Variants in TMEM232 observed in about 807,000 individuals in gnomAD.
TMEM232 encodes transmembrane protein 232.
In TMEM232, 80 loss-of-function variants were observed where a neutral mutation model predicts 78.8. That is an observed-to-expected ratio of 1.01 (90% CI 0.85 to 1.22). The LOEUF (loss-of-function observed/expected upper bound fraction) is 1.22, where lower values mean the gene tolerates loss of function less well. Among genes scored for constraint, TMEM232 ranks in the 50% most tolerant of loss-of-function variants. The probability of loss-of-function intolerance (pLI) is 0.00; values close to 1 mark genes in which losing one functional copy is unlikely to be tolerated. For missense variants in TMEM232, 881 were observed against 742.2 expected (o/e 1.19, Z -2.17); for synonymous variants, 297 against 254.3 (o/e 1.17, Z -1.60).
At chr5:110,570,416 T>A (rs1344077854) in intron 10 of TMEM232, among the ~76,000 whole-genome samples, 2 of 151,966 alleles carry the variant, frequency 1.3e-5, no homozygotes, top group Non-Finnish European at 2.9e-5. Context: ...CTTCAAGTAA[T>A]TGGCAAGTCT....
intron 1 of TMEM232, among the ~76,000 whole-genome samples, chr5:110,706,968 C>T (rs188161580): frequency 1.3e-5 from 2 of 152,282 alleles, no homozygotes; most frequent in Admixed American, 1.3e-4. Flanking sequence ...GAGACCTGTC[C>T]TCTTCAAATC....
At position 110,717,129 on chromosome 5, in the gene TMEM232, A is replaced by G. The variant is rs1270456417; in HGVS notation, c.-13+9498T>C. Among the ~76,000 whole-genome samples the G allele has an allele frequency of 7.9e-5, 12 of 152,038 alleles. 1 individual carries two copies. The highest frequency in any genetic ancestry group is 1.8e-4 in the Non-Finnish European group (12 of 67,998). On this transcript the variant is annotated intron_variant, in intron 1 of 13. Coordinates refer to ENST00000455884, the MANE Select transcript of TMEM232 (RefSeq NM_001039763.4). ...TATTCTTCTCAGACAACTGCCCTTT[A>G]TATCCTCTCCTGGTCCTCTTGTAAA...
intron 1 of TMEM232, among the ~76,000 whole-genome samples, chr5:110,670,918 G>A (rs929766428): frequency 3.3e-5 from 5 of 151,882 alleles, no homozygotes; most frequent in African/African-American, 1.2e-4. Flanking sequence ...GGTAAATCTA[G>A]TAATAAATGT....
At chr5:110,402,343 C>T (rs1480514130) in intron 2 of TMEM232, among the ~76,000 whole-genome samples, 1 of 152,002 alleles carries the variant, frequency 6.6e-6, no homozygotes, top group African/African-American at 2.4e-5. Context: ...AAAGTATTGA[C>T]TTATAGAAAT....
chr5:110,397,293 C>T (rs966062716), intron 3 of TMEM232, among the ~76,000 whole-genome samples: 1 of 152,106 alleles, frequency 6.6e-6, no homozygotes, highest in African/African-American at 2.4e-5. Context: ...ACATGTATAA[C>T]ATACTTCTTA....
At chr5:110,544,481 TACC>T (rs1025411231) in intron 11 of TMEM232, among the ~76,000 whole-genome samples, 2 of 148,946 alleles carry the variant, frequency 1.3e-5, no homozygotes, top group South Asian at 2.1e-4. Flanking sequence ...GTTCTGAATT[TACC>T]ACCAATAATT....
chr5:110,405,156 G>C (rs749107591), intron 2 of TMEM232, among the ~76,000 whole-genome samples: 1 of 151,996 alleles, frequency 6.6e-6, no homozygotes, highest in Non-Finnish European at 1.5e-5. Context: ...TATAAAGCAA[G>C]ATAAAAAAGA....
upstream of TMEM232, among the ~76,000 whole-genome samples, chr5:110,728,012 T>TA (rs1417773842): frequency 6.6e-6 from 1 of 151,834 alleles, no homozygotes; most frequent in African/African-American, 2.4e-5. Context: ...GTTAAAAGCA[T>TA]AAAAAAATAC....
chr5:110,720,046 G>T (rs1026167685), intron 1 of TMEM232, among the ~76,000 whole-genome samples: 8 of 152,160 alleles, frequency 5.3e-5, no homozygotes, highest in East Asian at 3.8e-4. Context: ...ATTTAGAGAA[G>T]AAATTATTTT....
At chr5:110,518,694 C>T (rs999625727) in intron 12 of TMEM232, among the ~76,000 whole-genome samples, 2 of 152,088 alleles carry the variant, frequency 1.3e-5, no homozygotes, top group Non-Finnish European at 2.9e-5. Context: ...GGAAAGCCTG[C>T]CCACCAGGCT....
In TMEM232 at chr5:110,642,257, T is replaced by TA; in HGVS notation, c.237+2dup. 1 of 1,514,934 alleles carries TA rather than the reference T, an allele frequency of 6.6e-7. No individual in the cohort carries two copies. Among genetic ancestry groups the TA allele is most frequent in the South Asian group, 1.3e-5 (1 of 79,872 alleles). The allele number at this position is 1,514,934 out of a possible 1,614,324, so 93.8% of individuals were successfully genotyped here. A position where few individuals can be genotyped will look rare whatever the true frequency, so the allele number is the denominator to read the frequency against. The stretch of plus-strand genomic sequence containing the variant: ...GCTCAACAATCAAATGATATGCCAT[T>TA]ACCTTACATCTGAGAATGATTTTTC... On this transcript the variant is annotated splice_region_variant and intron_variant, in intron 3 of 13. Transcript: ENST00000455884.
chr5:110,586,469 A>G (rs907509225), intron 10 of TMEM232, among the ~76,000 whole-genome samples: 9 of 152,100 alleles, frequency 5.9e-5, no homozygotes, highest in Non-Finnish European at 1.2e-4. Context: ...AAAGTCAAAT[A>G]GATAATTAAT....
chr5:110,578,686 C>T (rs1319286090), intron 10 of TMEM232, among the ~76,000 whole-genome samples: 1 of 151,868 alleles, frequency 6.6e-6, no homozygotes, highest in Non-Finnish European at 1.5e-5. Flanking sequence ...TAGAAGGGAT[C>T]TCTTTAAAAA....
At chr5:110,419,350 C>G (rs926832644), downstream of TMEM232, among the ~76,000 whole-genome samples, 1 of 151,946 alleles carries the variant, frequency 6.6e-6, no homozygotes, top group Non-Finnish European at 1.5e-5. Context: ...AAACAGCAAC[C>G]TACAGGCAAC....
intron 12 of TMEM232, among the ~76,000 whole-genome samples, chr5:110,427,954 T>A (rs556124324): frequency 7.4e-4 from 112 of 152,086 alleles, no homozygotes; most frequent in African/African-American, 2.5e-3. Flanking sequence ...GAATGGGTTA[T>A]ACACACCCTG....
At chr5:110,534,104 G>A (rs985915461) in intron 11 of TMEM232, among the ~76,000 whole-genome samples, 1 of 152,094 alleles carries the variant, frequency 6.6e-6, no homozygotes, top group Non-Finnish European at 1.5e-5. Flanking sequence ...ATACCTCTTA[G>A]TCTAAGTAGA....
chr5:110,706,537 CG>C (rs1184636962), intron 1 of TMEM232, among the ~76,000 whole-genome samples: 1 of 152,134 alleles, frequency 6.6e-6, no homozygotes, highest in African/African-American at 2.4e-5. Flanking sequence ...ACACAGAATG[CG>C]TATAAAGGTG....
intron 1 of TMEM232, among the ~76,000 whole-genome samples, chr5:110,715,186 T>A (rs1445204546): frequency 1.3e-5 from 2 of 152,134 alleles, no homozygotes; most frequent in Admixed American, 6.6e-5. Flanking sequence ...AGGCTTTTAA[T>A]TGTTTTGTAA....
chr5:110,732,865 T>C (rs1798810958), intron 2 of TMEM232, among the ~76,000 whole-genome samples: 1 of 152,128 alleles, frequency 6.6e-6, no homozygotes, highest in African/African-American at 2.4e-5. Flanking sequence ...AAATGTAAAA[T>C]AATAGCAGAG....
Sources: allele counts gnomAD v4.1 joint callset (sites outside exome capture counted in the v4.1 genomes callset), GRCh38; gene constraint gnomAD v4.1.1; transcripts MANE v1.5; gene names NCBI Gene and HGNC (gene_info 2026-07-23, HGNC 2026-07-21).